The following CNTNAP3B variants were observed in gnomAD, a reference collection of about 807,000 sequenced individuals.
The protein encoded by CNTNAP3B is contactin-associated protein-like 3B.
In CNTNAP3B, 25 loss-of-function variants were observed where a neutral mutation model predicts 108.9. That is an observed-to-expected ratio of 0.23 (90% CI 0.17 to 0.32). The LOEUF is 0.32. Among genes scored for constraint, CNTNAP3B ranks in the 10% least tolerant of loss-of-function variants. The pLI is 1.00. For missense variants in CNTNAP3B, 252 were observed against 1,210.4 expected, an observed-to-expected ratio of 0.21 and a Z score of 11.75; for synonymous variants, 103 against 473.4, an observed-to-expected ratio of 0.22 and a Z score of 10.16.
chr9:42,116,150 C>T (rs536913389), intron 1 of CNTNAP3B, among the ~76,000 whole-genome samples: 17 of 136,878 alleles, frequency 1.2e-4, no homozygotes, highest in South Asian at 4.7e-4. Flanking sequence ...TGAAATGAAG[C>T]GAGAAAAGAA....
At chr9:41,944,937 C>T in intron 13 of CNTNAP3B, among the ~76,000 whole-genome samples, 1 of 151,990 alleles carries the variant, frequency 6.6e-6, no homozygotes, top group Non-Finnish European at 1.5e-5. Context: ...AAATCAACCT[C>T]ATCAAAAAGT....
At chr9:41,948,102 T>C (rs1824577823) in intron 13 of CNTNAP3B, among the ~76,000 whole-genome samples, 1 of 151,560 alleles carries the variant, frequency 6.6e-6, no homozygotes, top group African/African-American at 2.4e-5. Flanking sequence ...GTTTTGGTTT[T>C]TATTTTTGAG....
intron 18 of CNTNAP3B, among the ~76,000 whole-genome samples, chr9:41,914,596 A>G (rs1823479891): frequency 6.7e-6 from 1 of 149,388 alleles, no homozygotes; most frequent in African/African-American, 2.4e-5. Flanking sequence ...TGCCAAATCC[A>G]AGATCATGAA....
intron 3 of CNTNAP3B, among the ~76,000 whole-genome samples, chr9:42,027,054 G>GA (rs1826426892): frequency 3.4e-5 from 2 of 59,104 alleles, no homozygotes; most frequent in South Asian, 1.4e-3. Context: ...TTGTTGGGGG[G>GA]AAAATCAATA....
chr9:42,114,040 A>G lies in CNTNAP3B; in HGVS notation c.86-9301T>C, dbSNP rs1326757254. ...AATGAGAATATAAGGTATGAGAAGG[A>G]TATGGCTTCTTCCCAAGACATGTTA... On this transcript the variant is annotated intron_variant, in intron 1 of 23. Coordinates refer to ENST00000377561, the MANE Select transcript of CNTNAP3B (RefSeq NM_001201380.3). 1.6e-5 allele frequency among the ~76,000 whole-genome samples: 2 copies of G among 123,134 alleles called. 1 individual carries two copies. Among genetic ancestry groups the G allele is most frequent in the Non-Finnish European group, 3.4e-5 (2 of 59,682 alleles). The allele number at this position is 123,134 out of a possible 152,430, so 80.8% of individuals were successfully genotyped here. A position where few individuals can be genotyped will look rare whatever the true frequency, so the allele number is the denominator to read the frequency against.
intron 14 of CNTNAP3B, among the ~76,000 whole-genome samples, chr9:41,930,121 T>G (rs1001985810): frequency 7.1e-4 from 108 of 152,372 alleles, no homozygotes; most frequent in African/African-American, 2.4e-3. Flanking sequence ...ATTTCTTTCC[T>G]TGTTAACTTT....
In CNTNAP3B at chr9:41,930,623, G is replaced by A. The variant is rs1396580644; in HGVS notation, c.2238-1179C>T. On this transcript the variant is annotated intron_variant, in intron 14 of 23. Transcript: ENST00000377561. The stretch of plus-strand genomic sequence containing the variant: ...GAACAGACATTGTCCTGGGAATTGA[G>A]GACACAGAGTAAAAAATATATTTTA... 3.3e-5 allele frequency among the ~76,000 whole-genome samples: 5 copies of A among 152,270 alleles called. 1 individual carries two copies. The highest frequency in any genetic ancestry group is 7.2e-5 in the African/African-American group (3 of 41,462).
chr9:42,051,840 C>A (rs200293491), intron 3 of CNTNAP3B, among the ~76,000 whole-genome samples: 2 of 151,910 alleles, frequency 1.3e-5, no homozygotes, highest in African/African-American at 4.8e-5. Flanking sequence ...AAATAGAAGC[C>A]GTTCCTAAAC....
At chr9:41,951,151 G>T (rs1277428401) in intron 13 of CNTNAP3B, among the ~76,000 whole-genome samples, 1 of 141,966 alleles carries the variant, frequency 7.0e-6, no homozygotes, top group Non-Finnish European at 1.5e-5. Context: ...TCTACAAGAT[G>T]TCACCTTGGG....
At chr9:41,933,949 T>A (rs1484882598) in intron 14 of CNTNAP3B, among the ~76,000 whole-genome samples, 2 of 151,074 alleles carry the variant, frequency 1.3e-5, no homozygotes, top group Non-Finnish European at 2.9e-5. Context: ...AAAGAAATAA[T>A]TTTTCCTTGC....
intron 2 of CNTNAP3B, among the ~76,000 whole-genome samples, chr9:42,093,880 G>A (rs1292634492): frequency 9.9e-6 from 1 of 101,108 alleles, no homozygotes; most frequent in Admixed American, 1.1e-4. Context: ...CACCTGCTCT[G>A]AACATTGATG....
intron 14 of CNTNAP3B, among the ~76,000 whole-genome samples, chr9:41,932,517 C>CTTTTTTTTT (rs1178493391): frequency 1.6e-5 from 2 of 124,860 alleles, no homozygotes. Context: ...ACTTTTTTTT[C>CTTTTTTTTT]TTCTTTTTTT....
intron 3 of CNTNAP3B, among the ~76,000 whole-genome samples, chr9:42,035,207 A>C: frequency 7.6e-6 from 1 of 131,350 alleles, no homozygotes; most frequent in East Asian, 2.3e-4. Context: ...TCTTTACCCA[A>C]GGCTCCTCCG....
chr9:42,002,946 G>A lies in CNTNAP3B; in HGVS notation c.539-4342C>T, dbSNP rs1044203495. ...CCGTTGCCCATGCTGTAGTGCAGTG[G>A]TACCTTCATAGCTCACTGCAGCCTT... On this transcript the variant is annotated intron_variant, in intron 4 of 23. Coordinates refer to ENST00000377561, the MANE Select transcript of CNTNAP3B (RefSeq NM_001201380.3). Among the ~76,000 whole-genome samples, 4 of 126,164 alleles carry A rather than the reference G, an allele frequency of 3.2e-5. 1 individual carries two copies. Among genetic ancestry groups the A allele is most frequent in the African/African-American group, 1.3e-4 (4 of 31,084 alleles). 82.8% of individuals were successfully genotyped at this position (126,164 alleles called of 152,430 possible).
At position 41,964,555 on chromosome 9, in the gene CNTNAP3B, C is replaced by G. The variant is rs1195827695; in HGVS notation, c.1739G>C (p.Gly580Ala). 1.3e-6 allele frequency: 2 copies of G among 1,539,916 alleles called. No individual in the cohort carries two copies. The highest frequency in any genetic ancestry group is 2.0e-5 in the Admixed American group (1 of 50,408). Reference protein sequence around the residue: ...SCDCLGTGYTGETCHSSLYEQ... With the variant: ...SCDCLGTGYTAETCHSSLYEQ... ...AGGCTTACAGGAATGGCAGGTCTCG[C>G]CCGTATAGCCTGTGCCTAGACAGTC... is the stretch of plus-strand genomic sequence containing the variant. Residue 580 changes from glycine to alanine, a missense_variant, in exon 11 of 24, where the codon GGC becomes GCC. Physicochemically the swap from Gly to Ala is moderately conservative, Grantham distance 60. Transcript: ENST00000377561.
At chr9:41,959,562 T>A (rs1824995230) in intron 12 of CNTNAP3B, among the ~76,000 whole-genome samples, 1 of 152,302 alleles carries the variant, frequency 6.6e-6, no homozygotes, top group Admixed American at 6.5e-5. Context: ...CCAAGACCAT[T>A]TTTATGGGAT....
At chr9:41,951,172 T>C (rs541882308) in intron 13 of CNTNAP3B, among the ~76,000 whole-genome samples, 1 of 144,184 alleles carries the variant, frequency 6.9e-6, no homozygotes, top group South Asian at 2.2e-4. Flanking sequence ...GTGGGGGAAC[T>C]GCTTAACGGC....
Position 42,129,333 on chromosome 9 carries a change from G to C in CNTNAP3B, c.-239C>G. 7 of 445,834 alleles carry C rather than the reference G, an allele frequency of 1.6e-5. 1 individual carries two copies. The highest frequency in any genetic ancestry group is 2.2e-5 in the Non-Finnish European group (7 of 317,106). The allele number at this position is 445,834 out of a possible 1,614,324, so 27.6% of individuals were successfully genotyped here. A position where few individuals can be genotyped will look rare whatever the true frequency, so the allele number is the denominator to read the frequency against. On this transcript the variant is annotated 5_prime_UTR_variant, in exon 1 of 24. Coordinates refer to ENST00000377561, the MANE Select transcript of CNTNAP3B (RefSeq NM_001201380.3). The stretch of plus-strand genomic sequence containing the variant: ...TCCGAGGTCGGCCCCGCGGGAGCCT[G>C]GGGGCCGCGCGGCGCCGCCCCAGGC...
In CNTNAP3B at chr9:42,125,268, T is replaced by C. The variant is rs1263545011; in HGVS notation, c.85+3742A>G. On this transcript the variant is annotated intron_variant, in intron 1 of 23. Coordinates refer to ENST00000377561, the MANE Select transcript of CNTNAP3B (RefSeq NM_001201380.3). ...TTAGTTGCCTTGTTTTCTTAGCCTC[T>C]GTCAATCTGGAATGCCTCCTTCCTC... Among the ~76,000 whole-genome samples the C allele has an allele frequency of 1.4e-5, 2 of 139,268 alleles. 1 individual carries two copies. Among genetic ancestry groups the C allele is most frequent in the African/African-American group, 5.7e-5 (2 of 35,006 alleles). 91.4% of individuals were successfully genotyped at this position (139,268 alleles called of 152,430 possible).
Sources: allele counts gnomAD v4.1 joint callset (sites outside exome capture counted in the v4.1 genomes callset), GRCh38; gene constraint gnomAD v4.1.1; transcripts MANE v1.5; gene names NCBI Gene and HGNC (gene_info 2026-07-23, HGNC 2026-07-21).